The following JAKMIP3 variants were observed in gnomAD, a reference collection of about 807,000 sequenced individuals.
JAKMIP3 encodes Janus kinase and microtubule interacting protein 3.
In JAKMIP3, 58 loss-of-function variants were observed where a neutral mutation model predicts 118.5. The observed-to-expected ratio is 0.49, with a 90% CI of 0.40 to 0.61. The LOEUF is 0.61. Ranked by LOEUF, JAKMIP3 falls within the 20% of genes least tolerant of loss-of-function variation. The probability of loss-of-function intolerance (pLI) is 0.00; values close to 1 mark genes in which losing one functional copy is unlikely to be tolerated. For missense variants in JAKMIP3, 950 were observed against 1,109.0 expected, an observed-to-expected ratio of 0.86 and a Z score of 2.04; for synonymous variants, 486 against 451.2, an observed-to-expected ratio of 1.08 and a Z score of -0.98.
intron 1 of JAKMIP3, among the ~76,000 whole-genome samples, chr10:132,092,342 G>C (rs1280217481): frequency 2.6e-5 from 4 of 152,298 alleles, no homozygotes; most frequent in Middle Eastern, 6.8e-3. Context: ...AGTTCTCCTG[G>C]ATAATATCCT....
rs2061584263 is a variant in JAKMIP3 at position 132,182,457 on chromosome 10, G to C, written c.*1204G>C. 1 of 152,270 alleles carries C rather than the reference G, an allele frequency of 6.6e-6. No individual in the cohort carries two copies. The highest frequency in any genetic ancestry group is 1.5e-5 in the Non-Finnish European group (1 of 68,062). 9.4% of individuals were successfully genotyped at this position (152,270 alleles called of 1,614,324 possible). A position where few individuals can be genotyped will look rare whatever the true frequency, so the allele number is the denominator to read the frequency against. Reference sequence around the variant, plus strand: ...GGGAGCTTCGTCCAGCCTGTGGATGGAGCCTGACTGGCTGCAGATGGAACT... The same window carrying C: ...GGGAGCTTCGTCCAGCCTGTGGATGCAGCCTGACTGGCTGCAGATGGAACT... On this transcript the variant is annotated 3_prime_UTR_variant, in exon 24 of 24. Coordinates refer to ENST00000684848, the MANE Select transcript of JAKMIP3 (RefSeq NM_001323087.2).
intron 23 of JAKMIP3, among the ~76,000 whole-genome samples, chr10:132,180,610 T>TGC (rs1198777244): frequency 0.014 from 445 of 31,546 alleles, 88 homozygotes; most frequent in African/African-American, 0.024. Context: ...TGCGCGTGTG[T>TGC]GTGTGCGTGT....
At chr10:132,170,997 C>T (rs1409559732) in intron 23 of JAKMIP3, among the ~76,000 whole-genome samples, 1 of 152,234 alleles carries the variant, frequency 6.6e-6, no homozygotes, top group Non-Finnish European at 1.5e-5. Flanking sequence ...GTCACCCAAC[C>T]CTGCAGCTAA....
At chr10:132,180,458 G>T (rs1238526655) in intron 23 of JAKMIP3, among the ~76,000 whole-genome samples, 1 of 99,516 alleles carries the variant, frequency 1.0e-5, no homozygotes, top group African/African-American at 3.4e-5. Context: ...ACGTTCCCTA[G>T]AAGAGACGGA....
upstream of JAKMIP3, among the ~76,000 whole-genome samples, chr10:132,065,452 C>T (rs941034780): frequency 6.7e-6 from 1 of 149,990 alleles, no homozygotes; most frequent in African/African-American, 2.5e-5. The surrounding 1 kb of genome is among the most constrained non-coding windows in gnomAD (Gnocchi z 5.6). Context: ...CTATTATTGA[C>T]CCGCTCACTC....
In JAKMIP3 at chr10:132,150,062, G is replaced by GT. The variant is rs777551568; in HGVS notation, c.2007+22dup. ...TAAGTGTATGTCGCTCTCCTGGCTT[G>GT]TGCATGCCTCTTACACCCACAACCC... On this transcript the variant is annotated intron_variant, in intron 16 of 23. Transcript: ENST00000684848. The GT allele has an allele frequency of 1.9e-6, 3 of 1,583,874 alleles. No homozygotes were observed. In the African/African-American group the frequency reaches 4.1e-5, roughly 22 times the overall value.
At chr10:132,045,266 G>T (rs746068495) in intron 1 of JAKMIP3, among the ~76,000 whole-genome samples, 1 of 152,146 alleles carries the variant, frequency 6.6e-6, no homozygotes, top group Non-Finnish European at 1.5e-5. Context: ...TTTCCCCGGT[G>T]AGCAGGGATT....
At chr10:132,158,680 T>C (rs1282502660) in intron 19 of JAKMIP3, among the ~76,000 whole-genome samples, 2 of 136,440 alleles carry the variant, frequency 1.5e-5, no homozygotes, top group African/African-American at 5.6e-5. Flanking sequence ...TGTGATGCTG[T>C]GGGAGGGGCA....
chr10:132,181,206 T>G (rs920869566), intron 23 of JAKMIP3: 1 of 152,264 alleles, frequency 6.6e-6, no homozygotes, highest in Admixed American at 6.5e-5. Flanking sequence ...AGGGATCAAG[T>G]GACCACAGGA....
At position 132,120,825 on chromosome 10, in the gene JAKMIP3, G is replaced by A. The variant is rs1022868613; in HGVS notation, c.633+3251G>A. ...AGAACACCCCGGCCTCTAAAATCCCGTGGTGACGGACAGGGCTGCTCCCCA... is the reference window on the plus strand; with the variant it reads ...AGAACACCCCGGCCTCTAAAATCCCATGGTGACGGACAGGGCTGCTCCCCA... On this transcript the variant is annotated intron_variant, in intron 3 of 23. Coordinates refer to ENST00000684848, the MANE Select transcript of JAKMIP3 (RefSeq NM_001323087.2). 5.9e-5 allele frequency among the ~76,000 whole-genome samples: 9 copies of A among 152,246 alleles called. No homozygotes were observed. The South Asian group carries it at 8.3e-4, about 14-fold the overall frequency.
chr10:132,133,728 G>A (rs1217692386), intron 4 of JAKMIP3, among the ~76,000 whole-genome samples: 1 of 152,202 alleles, frequency 6.6e-6, no homozygotes, highest in Non-Finnish European at 1.5e-5. Flanking sequence ...TGGTGGACTC[G>A]TCTCCTTCCT....
At chr10:132,095,030 C>G (rs990110645) in intron 1 of JAKMIP3, among the ~76,000 whole-genome samples, 5 of 152,142 alleles carry the variant, frequency 3.3e-5, no homozygotes, top group African/African-American at 1.2e-4. Context: ...CAGCACAGGC[C>G]TCACCCAGCT....
chr10:132,152,911 C>T, intron 16 of JAKMIP3, 47 bp from the exon 17 acceptor site: 3 of 1,486,826 alleles, frequency 2.0e-6, no homozygotes, highest in Non-Finnish European at 2.8e-6. Context: ...CCCTCACCCC[C>T]AAAGGCACTG....
intron 16 of JAKMIP3, among the ~76,000 whole-genome samples, chr10:132,150,937 C>A (rs1312015637): frequency 3.9e-5 from 6 of 152,010 alleles, no homozygotes; most frequent in Admixed American, 3.9e-4. Flanking sequence ...CACAATCTGT[C>A]CATCCATCCT....
intron 2 of JAKMIP3, 41 bp downstream of exon 2, chr10:132,104,984 T>C: frequency 6.4e-7 from 1 of 1,558,870 alleles, no homozygotes; most frequent in Non-Finnish European, 8.7e-7. Context: ...TGTCCCTCCC[T>C]CCTGCCTCCC....
chr10:132,108,851 A>G (rs898358487), intron 2 of JAKMIP3, among the ~76,000 whole-genome samples: 2 of 146,680 alleles, frequency 1.4e-5, no homozygotes, highest in African/African-American at 5.1e-5. Context: ...AAAAAAAAAA[A>G]TTATATATAT....
At chr10:132,080,264 A>G (rs1362268881) in intron 1 of JAKMIP3, among the ~76,000 whole-genome samples, 1 of 152,116 alleles carries the variant, frequency 6.6e-6, no homozygotes, top group African/African-American at 2.4e-5. Flanking sequence ...CCAGGCTTCC[A>G]ATTTCTGTAC....
chr10:132,137,035 T>A lies in JAKMIP3; in HGVS notation c.1133T>A (p.Ile378Asn). ...GCGTTTCAGAGACAGAGAGCTGGAA[T>A]CATACGGAGACCCAGTTCCTTGAAT... is the stretch of plus-strand genomic sequence containing the variant. ...ENIEMRQRAG[I>N]IRRPSSLNDL... The change falls in exon 7 of 24, where the codon ATC (isoleucine) becomes AAC (asparagine). Residue 378 changes from isoleucine (I) to asparagine (N), a missense_variant. Coordinates refer to ENST00000684848, the MANE Select transcript of JAKMIP3 (RefSeq NM_001323087.2). 1 of 1,613,856 alleles carries A rather than the reference T, an allele frequency of 6.2e-7. No individual in the cohort carries two copies. Among genetic ancestry groups the A allele is most frequent in the Non-Finnish European group, 8.5e-7 (1 of 1,179,812 alleles).
At position 132,168,567 on chromosome 10, in the gene JAKMIP3, A is replaced by T; in HGVS notation, c.*637A>T. On this transcript the variant is annotated 3_prime_UTR_variant, in exon 23 of 24. Coordinates refer to ENST00000684848, the MANE Select transcript of JAKMIP3 (RefSeq NM_001323087.2). ...CCCACATCCACCCTCGTTCATCATCATCTCTGTGGGGACAGACAAGAGCCG... is the reference window on the plus strand; with the variant it reads ...CCCACATCCACCCTCGTTCATCATCTTCTCTGTGGGGACAGACAAGAGCCG... 2.6e-6 allele frequency: 1 copy of T among 391,860 alleles called. No homozygotes were observed. Among genetic ancestry groups the T allele is most frequent in the Non-Finnish European group, 4.7e-6 (1 of 212,458 alleles). The allele number at this position is 391,860 out of a possible 1,614,324, so 24.3% of individuals were successfully genotyped here.
Sources: allele counts gnomAD v4.1 joint callset (sites outside exome capture counted in the v4.1 genomes callset), GRCh38; gene constraint gnomAD v4.1.1; non-coding constraint Gnocchi (gnomAD v3.1); transcripts MANE v1.5; gene names NCBI Gene and HGNC (gene_info 2026-07-23, HGNC 2026-07-21).